The following COBLL1 variants were observed in gnomAD, a reference collection of about 807,000 sequenced individuals.
COBLL1 encodes cordon-bleu WH2 repeat protein like 1.
Under a neutral mutation model 94.8 loss-of-function variants are expected in COBLL1, and 50 were observed. The ratio of observed to expected loss-of-function variants is 0.53; its 90% CI spans 0.42 to 0.67. The LOEUF is 0.67. COBLL1 is among the 30% of genes least tolerant of loss of function. The probability of loss-of-function intolerance (pLI) is 0.00; values close to 1 mark genes in which losing one functional copy is unlikely to be tolerated. For synonymous variants in COBLL1, 448 were observed against 473.8 expected, an observed-to-expected ratio of 0.95 and a Z score of 0.71; for missense variants, 1,362 against 1,348.7, an observed-to-expected ratio of 1.01 and a Z score of -0.15.
intron 2 of COBLL1, among the ~76,000 whole-genome samples, chr2:164,773,508 T>C (rs1688309624): frequency 1.3e-5 from 2 of 152,172 alleles, no homozygotes; most frequent in Admixed American, 1.3e-4. Context: ...TTCTGTACTT[T>C]ACTCTCCAAA....
At chr2:164,718,508 G>C (rs1685290122) in intron 7 of COBLL1, among the ~76,000 whole-genome samples, 1 of 152,062 alleles carries the variant, frequency 6.6e-6, no homozygotes, top group African/African-American at 2.4e-5. Flanking sequence ...CATGAATATT[G>C]GTTTTAATAT....
intron 1 of COBLL1, among the ~76,000 whole-genome samples, chr2:164,667,445 C>T (rs1691179767): frequency 6.6e-6 from 1 of 152,202 alleles, no homozygotes; most frequent in East Asian, 1.9e-4. Context: ...ATTGACTTCT[C>T]TCTAGCTATA....
intron 5 of COBLL1, among the ~76,000 whole-genome samples, chr2:164,725,494 C>G (rs1033954730): frequency 1.3e-5 from 2 of 152,080 alleles, no homozygotes; most frequent in African/African-American, 4.8e-5. Context: ...CATGGCTCAC[C>G]ACAGCCCTGA....
Position 164,695,381 on chromosome 2 carries a change from G to A in COBLL1, c.2011C>T (p.Leu671Phe), listed in dbSNP as rs1346719244. The change falls in exon 12 of 14, where the codon CTT becomes TTT. Residue 671 changes from leucine to phenylalanine, a missense_variant. Transcript: ENST00000652658. ...GTLIIHSEDPLTVKDPICAHG... is the reference protein window; with the variant it reads ...GTLIIHSEDPFTVKDPICAHG... ...GCACAAATTGGATCTTTTACGGTAA[G>A]CGGATCTTCTGAATGTATAATTAGG... 6.2e-7 allele frequency: 1 copy of A among 1,613,946 alleles called. No individual in the cohort carries two copies. Among genetic ancestry groups the A allele is most frequent in the Non-Finnish European group, 8.5e-7 (1 of 1,179,954 alleles).
chr2:164,828,734 A>C (rs1682907279), intron 2 of COBLL1, among the ~76,000 whole-genome samples: 1 of 152,244 alleles, frequency 6.6e-6, no homozygotes, highest in African/African-American at 2.4e-5. Flanking sequence ...ATTAATTTAC[A>C]TTTCAAATCT....
intron 13 of COBLL1, chr2:164,687,578 G>A (rs989925979): frequency 3.4e-5 from 41 of 1,190,984 alleles, no homozygotes; most frequent in Non-Finnish European, 4.8e-5. Context: ...AAGGCACCTC[G>A]CATGCCTGTT....
At chr2:164,758,368 T>C (rs1687513572) in intron 2 of COBLL1, among the ~76,000 whole-genome samples, 1 of 152,016 alleles carries the variant, frequency 6.6e-6, no homozygotes. Context: ...TACTACCCTT[T>C]TTTGAATAGA....
At position 164,683,329 on chromosome 2, in the gene COBLL1, G is replaced by A. The variant is rs934114965; in HGVS notation, c.*2617C>T. 1 of 152,056 alleles carries A rather than the reference G, an allele frequency of 6.6e-6. No individual in the cohort carries two copies. The highest frequency in any genetic ancestry group is 1.9e-4 in the East Asian group (1 of 5,174). 9.4% of individuals were successfully genotyped at this position (152,056 alleles called of 1,614,324 possible). A position where few individuals can be genotyped will look rare whatever the true frequency, so the allele number is the denominator to read the frequency against. On this transcript the variant is annotated 3_prime_UTR_variant, in exon 14 of 14. Transcript: ENST00000652658. ...ACCATTCCTGTATCTTCCTTGTGCT[G>A]TTATTTTAGGATATGATGAGTGAAA...
chr2:164,674,200 A>G (rs1033900769), intron 1 of COBLL1, among the ~76,000 whole-genome samples: 1 of 152,122 alleles, frequency 6.6e-6, no homozygotes, highest in Non-Finnish European at 1.5e-5. Context: ...AGCTGGAACT[A>G]TAGGCACGCA....
chr2:164,826,137 G>C (rs1453557073), intron 2 of COBLL1, among the ~76,000 whole-genome samples: 1 of 152,142 alleles, frequency 6.6e-6, no homozygotes, highest in Non-Finnish European at 1.5e-5. Flanking sequence ...TCTTACATAA[G>C]AGAAAAGTGA....
chr2:164,788,733 A>G (rs1163694740), intron 2 of COBLL1, among the ~76,000 whole-genome samples: 3 of 152,076 alleles, frequency 2.0e-5, no homozygotes, highest in Non-Finnish European at 4.4e-5. Flanking sequence ...TCACACCTGT[A>G]ATCTCAGCAC....
At chr2:164,799,849 TA>T (rs1304665116) in intron 2 of COBLL1, among the ~76,000 whole-genome samples, 34 of 152,320 alleles carry the variant, frequency 2.2e-4, no homozygotes, top group African/African-American at 7.9e-4. Flanking sequence ...AGAGAAAGGA[TA>T]GTCCTTTCAA....
At chr2:164,805,354 T>TATAC (rs1684086341) in intron 2 of COBLL1, among the ~76,000 whole-genome samples, 4 of 100,958 alleles carry the variant, frequency 4.0e-5, no homozygotes, top group Non-Finnish European at 8.4e-5. Flanking sequence ...TATATATATA[T>TATAC]ATATATATAA....
At chr2:164,785,382 G>T (rs149913160) in intron 2 of COBLL1, among the ~76,000 whole-genome samples, 3 of 152,078 alleles carry the variant, frequency 2.0e-5, no homozygotes, top group African/African-American at 7.2e-5. Context: ...GAGTGAGACT[G>T]GTCTGTGATG....
chr2:164,721,992 C>A, intron 7 of COBLL1, 83 bp downstream of exon 7: 1 of 1,043,558 alleles, frequency 9.6e-7, no homozygotes, highest in Non-Finnish European at 1.4e-6. Context: ...ACTAGTCTAC[C>A]TAGAAAAGAT....
chr2:164,780,333 G>C (rs896867845), intron 2 of COBLL1, among the ~76,000 whole-genome samples: 43 of 152,124 alleles, frequency 2.8e-4, no homozygotes, highest in African/African-American at 1.0e-3. Context: ...AACATAAGAG[G>C]CCTTTGTAGT....
At chr2:164,810,774 T>G (rs577527709) in intron 2 of COBLL1, among the ~76,000 whole-genome samples, 3 of 151,886 alleles carry the variant, frequency 2.0e-5, no homozygotes, top group African/African-American at 7.2e-5. Flanking sequence ...TGAAAAGAAG[T>G]ATAAGAAAAA....
intron 11 of COBLL1, chr2:164,696,074 C>T (rs1184463171): frequency 5.0e-6 from 2 of 401,172 alleles, no homozygotes; most frequent in African/African-American, 2.1e-5. Flanking sequence ...TGTTAATTAA[C>T]CCCTTTGAGC....
intron 2 of COBLL1, among the ~76,000 whole-genome samples, chr2:164,825,138 C>G (rs1685362784): frequency 6.6e-6 from 1 of 152,142 alleles, no homozygotes; most frequent in African/African-American, 2.4e-5. Flanking sequence ...AGCACAGTAC[C>G]TGGTGAATCA....
Sources: gnomAD v4.1 joint callset for allele counts (sites outside exome capture counted in the v4.1 genomes callset) on GRCh38, gnomAD v4.1.1 for gene constraint, MANE v1.5 for transcripts, NCBI Gene and HGNC (gene_info 2026-07-23, HGNC 2026-07-21) for gene names.